The following NPFFR2 variants were observed in gnomAD, a reference collection of about 807,000 sequenced individuals.
The protein encoded by NPFFR2 is G-protein coupled receptor 74.
A neutral mutation model predicts 13.1 loss-of-function variants in NPFFR2; 15 were observed. The ratio of observed to expected loss-of-function variants is 1.15; its 90% CI spans 0.77 to 1.76. The LOEUF is 1.76. Among genes scored for constraint, NPFFR2 ranks in the 40% most tolerant of loss-of-function variants. The probability of loss-of-function intolerance (pLI) is 0.00; values close to 1 mark genes in which losing one functional copy is unlikely to be tolerated. For synonymous variants in NPFFR2, 190 were observed against 175.7 expected, an observed-to-expected ratio of 1.08 and a Z score of -0.65; for missense variants, 572 against 503.5, an observed-to-expected ratio of 1.14 and a Z score of -1.30.
At chr4:72,082,485 G>A (rs561779391) in intron 1 of NPFFR2, among the ~76,000 whole-genome samples, 183 of 151,906 alleles carry the variant, frequency 1.2e-3, no homozygotes, top group Non-Finnish European at 1.8e-3. Context: ...TACTCAACTT[G>A]TTTTTCTTAA....
At position 72,147,442 on chromosome 4, in the gene NPFFR2, A is replaced by G; in HGVS notation, c.893A>G (p.Asp298Gly). Residue 298 changes from aspartate (D) to glycine (G), a missense_variant, in exon 4 of 4, where the codon GAC becomes GGC. Asp to Gly is a moderately conservative substitution (Grantham distance 94). Coordinates refer to ENST00000308744, the MANE Select transcript of NPFFR2 (RefSeq NM_004885.3). ...LPLWTLMMLS[D>G]YADLSPNELQ... is the part of the protein sequence containing the mutation. ...CTGTGGACTCTAATGATGCTCTCAG[A>G]CTACGCTGACCTTTCTCCAAATGAA... 6.2e-7 allele frequency: 1 copy of G among 1,614,174 alleles called. No individual in the cohort carries two copies. Among genetic ancestry groups the G allele is most frequent in the Non-Finnish European group, 8.5e-7 (1 of 1,180,034 alleles).
chr4:72,043,400 T>C (rs1272722648), intron 1 of NPFFR2, among the ~76,000 whole-genome samples: 5 of 152,176 alleles, frequency 3.3e-5, no homozygotes, highest in Non-Finnish European at 7.3e-5. Context: ...GTAAATCCAC[T>C]GACAGCTTGC....
intron 1 of NPFFR2, among the ~76,000 whole-genome samples, chr4:72,055,823 C>A (rs1393140547): frequency 1.3e-5 from 2 of 151,964 alleles, no homozygotes; most frequent in Non-Finnish European, 2.9e-5. Context: ...GATAGAAAAT[C>A]TAACAAGCCA....
In NPFFR2 at chr4:72,038,578, T is replaced by A. The variant is rs955413502; in HGVS notation, c.-8+6378T>A. ...TTAGCTAAAATACCAATCAGTATAT[T>A]TTTTTTCCTGTAATATGGAAAAAAA... On this transcript the variant is annotated intron_variant, in intron 1 of 3. Transcript: ENST00000308744. 2.6e-5 allele frequency among the ~76,000 whole-genome samples: 4 copies of A among 152,062 alleles called. No homozygotes were observed. The East Asian group carries it at 7.7e-4, about 29-fold the overall frequency.
chr4:72,101,622 T>C (rs2109810514), intron 1 of NPFFR2, among the ~76,000 whole-genome samples: 1 of 151,956 alleles, frequency 6.6e-6, no homozygotes, highest in East Asian at 1.9e-4. Context: ...ATTTCCTAGA[T>C]GAGATAAAAT....
chr4:72,078,986 T>TA (rs1720521746), intron 1 of NPFFR2, among the ~76,000 whole-genome samples: 1 of 151,928 alleles, frequency 6.6e-6, no homozygotes, highest in Non-Finnish European at 1.5e-5. Flanking sequence ...ATACTTATGA[T>TA]AAAACTGTTA....
chr4:72,109,059 C>A (rs1426635206), intron 1 of NPFFR2, among the ~76,000 whole-genome samples: 1 of 151,962 alleles, frequency 6.6e-6, no homozygotes, highest in Non-Finnish European at 1.5e-5. Context: ...GTTTGACACA[C>A]CATACATTAG....
intron 1 of NPFFR2, among the ~76,000 whole-genome samples, chr4:72,109,144 T>C (rs1721495095): frequency 6.6e-6 from 1 of 151,984 alleles, no homozygotes; most frequent in Non-Finnish European, 1.5e-5. Context: ...AACCCAATAT[T>C]CCTTTTTCAG....
chr4:72,138,069 A>G lies in NPFFR2; in HGVS notation c.358A>G (p.Ile120Val). Residue 120 changes from isoleucine to valine, a missense_variant, in exon 3 of 4, where the codon ATC (isoleucine) becomes GTC (valine). Physicochemically the swap from Ile to Val is conservative, Grantham distance 29 (BLOSUM62 3). Coordinates refer to ENST00000308744, the MANE Select transcript of NPFFR2 (RefSeq NM_004885.3). Reference sequence around the variant, plus strand: ...GCCATTTGGAAACACGATGTGCAAGATCAGTGGATTGGTCCAGGGAATATC... The same window carrying G: ...GCCATTTGGAAACACGATGTGCAAGGTCAGTGGATTGGTCCAGGGAATATC... ...GWPFGNTMCKISGLVQGISVA... is the reference protein window; with the variant it reads ...GWPFGNTMCKVSGLVQGISVA... 1 of 1,613,712 alleles carries G rather than the reference A, an allele frequency of 6.2e-7. No homozygotes were observed. The highest frequency in any genetic ancestry group is 8.5e-7 in the Non-Finnish European group (1 of 1,179,754).
chr4:72,066,985 G>C (rs4631008), intron 1 of NPFFR2, among the ~76,000 whole-genome samples: 1 of 151,896 alleles, frequency 6.6e-6, no homozygotes, highest in Admixed American at 6.6e-5. Flanking sequence ...CTCTGCAGTG[G>C]CCCCAACCCC....
intron 2 of NPFFR2, among the ~76,000 whole-genome samples, chr4:72,137,636 GGTTTA>G (rs2109843296): frequency 6.6e-6 from 1 of 152,100 alleles, no homozygotes; most frequent in East Asian, 1.9e-4. Context: ...CAGAGTCAAT[GGTTTA>G]GACTCTGGAG....
chr4:72,125,106 G>A (rs1306724219), intron 1 of NPFFR2, among the ~76,000 whole-genome samples: 1 of 152,188 alleles, frequency 6.6e-6, no homozygotes, highest in African/African-American at 2.4e-5. Flanking sequence ...CCATCAAAAA[G>A]TGGGTGAAGG....
At chr4:72,116,508 C>T (rs1356752839) in intron 1 of NPFFR2, among the ~76,000 whole-genome samples, 1 of 151,914 alleles carries the variant, frequency 6.6e-6, no homozygotes, top group African/African-American at 2.4e-5. Context: ...TACCCCGAAC[C>T]TCACCATCAC....
In NPFFR2 at chr4:72,146,996, C is replaced by T. The variant is rs554681463; in HGVS notation, c.447C>T (p.Tyr149=). ...ATTGCAGGTTCCAGTGTGTGGTCTA[C>T]CCTTTTAAACCAAAGCTCACTATCA... ...IAVDRFQCVV[Y]PFKPKLTIKT... Residue 149 remains tyrosine (Y), a synonymous_variant, in exon 4 of 4, where the codon TAC becomes TAT. Transcript: ENST00000308744. The T allele has an allele frequency of 1.2e-6, 2 of 1,612,584 alleles. No individual in the cohort carries two copies. Among genetic ancestry groups the T allele is most frequent in the African/African-American group, 2.7e-5 (2 of 74,952 alleles).
Position 72,032,209 on chromosome 4 carries a change from A to C in NPFFR2, c.-8+9A>C. On this transcript the variant is annotated intron_variant, in intron 1 of 3. Transcript: ENST00000308744. ...AGGGCTCGCCGGGAGAGGTAACAGC[A>C]TGGGCCAGTTTGTCTGGGGGCCCCC... 6.3e-7 allele frequency: 1 copy of C among 1,596,044 alleles called. No individual in the cohort carries two copies. Among genetic ancestry groups the C allele is most frequent in the Non-Finnish European group, 8.6e-7 (1 of 1,169,532 alleles).
At chr4:72,080,210 G>T (rs1720568919) in intron 1 of NPFFR2, among the ~76,000 whole-genome samples, 1 of 151,574 alleles carries the variant, frequency 6.6e-6, no homozygotes, top group East Asian at 1.9e-4. Flanking sequence ...TGTCACCCAG[G>T]CCGGAGTGCA....
chr4:72,135,485 T>C (rs1408342686), intron 2 of NPFFR2, among the ~76,000 whole-genome samples: 1 of 152,120 alleles, frequency 6.6e-6, no homozygotes, highest in East Asian at 1.9e-4. Flanking sequence ...ACTTTCTCTT[T>C]TAAACTTTAT....
At chr4:72,068,987 TTAA>T (rs1720163307) in intron 1 of NPFFR2, 2 of 1,419,416 alleles carry the variant, frequency 1.4e-6, no homozygotes, top group Non-Finnish European at 9.4e-7. Context: ...ATTGAATGTC[TTAA>T]TAAGAGTGAA....
At chr4:72,140,444 G>C (rs1042264318) in intron 3 of NPFFR2, among the ~76,000 whole-genome samples, 15 of 152,096 alleles carry the variant, frequency 9.9e-5, no homozygotes, top group African/African-American at 3.6e-4. Context: ...TCAATACCTA[G>C]ATTATTGAGA....
Sources: gnomAD v4.1 joint callset for allele counts (sites outside exome capture counted in the v4.1 genomes callset) on GRCh38, gnomAD v4.1.1 for gene constraint, MANE v1.5 for transcripts, NCBI Gene and HGNC (gene_info 2026-07-23, HGNC 2026-07-21) for gene names.